KIAA1217: variants seen among roughly 807,000 people sequenced by gnomAD.
KIAA1217 encodes the protein KIAA1217, also known as sickle tail protein homolog.
In KIAA1217, 88 loss-of-function variants were observed where a neutral mutation model predicts 163.9. The observed-to-expected ratio is 0.54, with a 90% confidence interval of 0.45 to 0.64. KIAA1217 has a LOEUF of 0.64. KIAA1217 is among the 30% of genes least tolerant of loss of function. The pLI is 0.00. For missense variants in KIAA1217, 2,372 were observed against 2,475.0 expected (o/e 0.96, Z 0.88); for synonymous variants, 903 against 923.1 (o/e 0.98, Z 0.39).
chr10:24,246,085 A>T (rs572270433), intron 2 of KIAA1217, among the ~76,000 whole-genome samples: 3 of 152,198 alleles, frequency 2.0e-5, no homozygotes, highest in Non-Finnish European at 4.4e-5. Flanking sequence ...GTTCATCTTT[A>T]ACTTATTATT....
intron 2 of KIAA1217, among the ~76,000 whole-genome samples, chr10:24,150,203 G>T (rs778247556): frequency 1.3e-5 from 2 of 152,002 alleles, no homozygotes; most frequent in African/African-American, 4.8e-5. Flanking sequence ...TTTTAGTAGC[G>T]ATGGGGTTTC....
intron 1 of KIAA1217, among the ~76,000 whole-genome samples, chr10:23,815,272 A>G (rs527824922): frequency 2.0e-5 from 3 of 152,204 alleles, no homozygotes; most frequent in Non-Finnish European, 4.4e-5. Context: ...CAGATGAAAA[A>G]AAAGCATAAA....
intron 1 of KIAA1217, among the ~76,000 whole-genome samples, chr10:23,862,995 T>C (rs144004198): frequency 0.01 from 1,533 of 152,314 alleles, 12 homozygotes; most frequent in South Asian, 0.025. Context: ...TTCAGTGTTA[T>C]GTTTCCAGAT....
chr10:24,520,685 C>A (rs866080492), intron 11 of KIAA1217, among the ~76,000 whole-genome samples: 1,704 of 97,178 alleles, frequency 0.018, 64 homozygotes, highest in East Asian at 0.068. Context: ...TACACACACA[C>A]ACAAAAAAAA....
chr10:23,984,897 T>G (rs932351136), intron 1 of KIAA1217, among the ~76,000 whole-genome samples: 6 of 151,914 alleles, frequency 3.9e-5, no homozygotes, highest in African/African-American at 1.5e-4. Context: ...CCTGCATGTT[T>G]GGCACATGTA....
At chr10:23,837,036 C>A (rs374682234) in intron 1 of KIAA1217, among the ~76,000 whole-genome samples, 52 of 152,264 alleles carry the variant, frequency 3.4e-4, no homozygotes, top group African/African-American at 1.2e-3. Context: ...CCAAATCTCA[C>A]GTGTCTATAA....
chr10:23,780,440 T>A (rs940685323), intron 1 of KIAA1217, among the ~76,000 whole-genome samples: 20 of 152,050 alleles, frequency 1.3e-4, no homozygotes, highest in African/African-American at 4.8e-4. Flanking sequence ...TTAGTCACCT[T>A]TTGTTTGTTT....
At chr10:23,968,087 C>T (rs904779057) in intron 1 of KIAA1217, among the ~76,000 whole-genome samples, 5 of 151,532 alleles carry the variant, frequency 3.3e-5, no homozygotes, top group African/African-American at 1.2e-4. Flanking sequence ...TGCAGATAAC[C>T]TATCCTATGT....
chr10:23,951,282 C>T (rs1844323963), intron 1 of KIAA1217, among the ~76,000 whole-genome samples: 1 of 152,108 alleles, frequency 6.6e-6, no homozygotes. Context: ...GGAAGCACAG[C>T]TTCTCCTAGG....
chr10:24,510,159 G>T (rs941885835), intron 9 of KIAA1217, among the ~76,000 whole-genome samples: 1 of 152,164 alleles, frequency 6.6e-6, no homozygotes. Flanking sequence ...GGAAATTGAT[G>T]AGTTGAATTC....
At chr10:24,360,446 A>T (rs2134213120) in intron 2 of KIAA1217, among the ~76,000 whole-genome samples, 1 of 152,200 alleles carries the variant, frequency 6.6e-6, no homozygotes, top group South Asian at 2.1e-4. Context: ...ACTTTATGAA[A>T]TCTCTTAGAC....
At chr10:24,005,495 T>A (rs1455564025) in intron 1 of KIAA1217, among the ~76,000 whole-genome samples, 1 of 152,210 alleles carries the variant, frequency 6.6e-6, no homozygotes, top group African/African-American at 2.4e-5. Context: ...CACTGGTTTA[T>A]GTAAGTGGAA....
At position 24,543,675 on chromosome 10, in the gene KIAA1217, G is replaced by A. The variant is rs1371494911; in HGVS notation, c.4405G>A (p.Glu1469Lys). The part of the protein sequence containing the change: ...RLSTIFEECD[E>K]ELERMMMEEK... The stretch of plus-strand genomic sequence containing the variant: ...TTCAACTATCTTTGAGGAATGTGAT[G>A]AGGAATTAGAGAGAATGATGATGGA... The change falls in exon 19 of 21, where the codon GAG becomes AAG. Residue 1469 changes from glutamate (E) to lysine (K), a missense_variant. Around this residue, in one of 3 missense-constraint regions of KIAA1217, gnomAD observed 690 missense variants for 677.5 expected, o/e 1.02. Transcript: ENST00000376454. 2 of 1,613,860 alleles carry A rather than the reference G, an allele frequency of 1.2e-6. No homozygotes were observed. The highest frequency in any genetic ancestry group is 4.5e-5 in the East Asian group (2 of 44,882).
chr10:24,384,154 C>T (rs368507164), intron 3 of KIAA1217, among the ~76,000 whole-genome samples: 66 of 152,330 alleles, frequency 4.3e-4, no homozygotes, highest in African/African-American at 1.6e-3. Flanking sequence ...CTGTTGATGC[C>T]ATCTGGAAGC....
At chr10:24,481,482 C>G (rs956671902) in intron 6 of KIAA1217, 1 of 152,286 alleles carries the variant, frequency 6.6e-6, no homozygotes, top group South Asian at 2.1e-4. Context: ...ATGGCACCCC[C>G]AGAGGCTTGA....
intron 2 of KIAA1217, among the ~76,000 whole-genome samples, chr10:24,175,079 C>T (rs947324818): frequency 2.0e-5 from 3 of 151,846 alleles, no homozygotes; most frequent in African/African-American, 7.3e-5. Context: ...CCAGCGTGGT[C>T]TCAAACTCCT....
chr10:24,428,747 C>T (rs1190041413), intron 3 of KIAA1217, among the ~76,000 whole-genome samples: 1 of 151,540 alleles, frequency 6.6e-6, no homozygotes, highest in Non-Finnish European at 1.5e-5. Flanking sequence ...ATCCCTTAGC[C>T]CCAGTTACTT....
chr10:23,822,881 G>A (rs892373172), intron 1 of KIAA1217, among the ~76,000 whole-genome samples: 1 of 152,094 alleles, frequency 6.6e-6, no homozygotes, highest in Non-Finnish European at 1.5e-5. Flanking sequence ...ACATAACAAT[G>A]ATTGAAAAAT....
At chr10:24,485,428 G>A (rs773421824) in intron 6 of KIAA1217, among the ~76,000 whole-genome samples, 7 of 152,042 alleles carry the variant, frequency 4.6e-5, no homozygotes, top group East Asian at 1.9e-4. Flanking sequence ...CTGCTGCTTC[G>A]TGCATTCTTC....
Sources: gnomAD v4.1 joint callset for allele counts (sites outside exome capture counted in the v4.1 genomes callset) on GRCh38, gnomAD v4.1.1 for gene constraint, gnomAD v4.1.1 regional missense constraint, MANE v1.5 for transcripts, NCBI Gene and HGNC (gene_info 2026-07-23, HGNC 2026-07-21) for gene names.